The following PACRG variants were observed in gnomAD, a reference collection of about 807,000 sequenced individuals.
The protein encoded by PACRG is parkin coregulated gene protein.
Under a neutral mutation model 29.7 loss-of-function variants are expected in PACRG, and 29 were observed. That is an observed-to-expected ratio of 0.98 (90% CI 0.73 to 1.33). The LOEUF is 1.33. Among genes scored for constraint, PACRG ranks in the 40% most tolerant of loss-of-function variants. The pLI is 0.00. For missense variants in PACRG, 279 were observed against 316.2 expected, an observed-to-expected ratio of 0.88 and a Z score of 0.89; for synonymous variants, 116 against 118.7, an observed-to-expected ratio of 0.98 and a Z score of 0.15.
intron 2 of PACRG, among the ~76,000 whole-genome samples, chr6:163,025,817 G>A (rs778859147): frequency 2.0e-5 from 3 of 152,212 alleles, no homozygotes; most frequent in South Asian, 4.1e-4. Context: ...GCAGGCCCAG[G>A]ACCATGTACA....
At chr6:163,257,654 C>T (rs1325052976) in intron 4 of PACRG, among the ~76,000 whole-genome samples, 1 of 152,040 alleles carries the variant, frequency 6.6e-6, no homozygotes, top group Non-Finnish European at 1.5e-5. Context: ...CAATATTTTC[C>T]TTCTCCTTCA....
At chr6:163,022,972 C>T (rs183716933) in intron 2 of PACRG, among the ~76,000 whole-genome samples, 4 of 152,248 alleles carry the variant, frequency 2.6e-5, no homozygotes, top group Admixed American at 2.6e-4. Context: ...CTTTGACTTA[C>T]TGGAGAATTG....
chr6:163,089,290 C>T lies in PACRG; in HGVS notation c.495C>T (p.Ile165=), dbSNP rs150756193. 144 of 1,614,084 alleles carry T rather than the reference C, an allele frequency of 8.9e-5. No homozygotes were observed. In the African/African-American group the frequency reaches 1.7e-3, roughly 19 times the overall value. The change falls in exon 4 of 5, where the codon ATC becomes ATT. Residue 165 remains isoleucine (I), a synonymous_variant. Coordinates refer to ENST00000366888, the MANE Select transcript of PACRG (RefSeq NM_001080379.2). ...TGAACCTCCGAAACCGACAGGTCAT[C>T]TGTGTCACTCTCAAGGTCCTCCAGC... is the stretch of plus-strand genomic sequence containing the variant. The part of the protein sequence containing the change: ...NALNLRNRQV[I]CVTLKVLQHL...
At chr6:163,165,569 A>G (rs998498647) in intron 4 of PACRG, 10 of 155,626 alleles carry the variant, frequency 6.4e-5, no homozygotes, top group Non-Finnish European at 9.9e-5. Flanking sequence ...AGGGGGAAAA[A>G]GGGGAAATGG....
At chr6:163,223,656 A>C (rs968431581) in intron 4 of PACRG, among the ~76,000 whole-genome samples, 16 of 152,216 alleles carry the variant, frequency 1.1e-4, no homozygotes, top group Non-Finnish European at 4.4e-5. Flanking sequence ...TAATTTTGGA[A>C]GAGGGAACAG....
At chr6:162,920,263 CAATT>C (rs1796975820) in intron 2 of PACRG, among the ~76,000 whole-genome samples, 1 of 152,110 alleles carries the variant, frequency 6.6e-6, no homozygotes, top group Admixed American at 6.6e-5. Context: ...GGACCTTGCA[CAATT>C]AATTAAACTC....
chr6:163,286,262 ATATT>A (rs1236872360), intron 4 of PACRG, among the ~76,000 whole-genome samples: 1 of 152,218 alleles, frequency 6.6e-6, no homozygotes, highest in African/African-American at 2.4e-5. Flanking sequence ...TTGTCCATAA[ATATT>A]TATTGTCAGG....
At chr6:163,134,546 T>C (rs566296242) in intron 4 of PACRG, among the ~76,000 whole-genome samples, 2 of 152,196 alleles carry the variant, frequency 1.3e-5, no homozygotes, top group African/African-American at 2.4e-5. Context: ...CCAACACTGA[T>C]GTCTACAGCA....
chr6:163,053,084 A>G (rs530960743), intron 2 of PACRG, among the ~76,000 whole-genome samples: 1 of 151,876 alleles, frequency 6.6e-6, no homozygotes, highest in African/African-American at 2.4e-5. Flanking sequence ...CTTAAACTTT[A>G]AAGAAAGATT....
At chr6:163,245,941 A>T (rs1330152481) in intron 4 of PACRG, among the ~76,000 whole-genome samples, 1 of 152,080 alleles carries the variant, frequency 6.6e-6, no homozygotes, top group African/African-American at 2.4e-5. Context: ...GCAGCAGCAA[A>T]GCACTGCTCT....
intron 4 of PACRG, among the ~76,000 whole-genome samples, chr6:163,223,369 G>A (rs1209500632): frequency 6.6e-6 from 1 of 151,830 alleles, no homozygotes; most frequent in Non-Finnish European, 1.5e-5. Flanking sequence ...ACTCCAGCCT[G>A]GGCAAAAAGA....
chr6:162,838,471 C>T (rs1447858019), intron 2 of PACRG, among the ~76,000 whole-genome samples: 1 of 152,138 alleles, frequency 6.6e-6, no homozygotes, highest in Non-Finnish European at 1.5e-5. Context: ...ATCACATAGC[C>T]ATGAATAACT....
chr6:163,221,827 C>CTTT (rs200328179), intron 4 of PACRG, among the ~76,000 whole-genome samples: 1,914 of 152,228 alleles, frequency 0.013, 54 homozygotes, highest in African/African-American at 0.043. Flanking sequence ...ACTTCCCTGC[C>CTTT]AGGCACAGGT....
At chr6:162,729,081 T>G (rs1010648971) in intron 1 of PACRG, among the ~76,000 whole-genome samples, 3 of 152,174 alleles carry the variant, frequency 2.0e-5, no homozygotes, top group African/African-American at 7.2e-5. Context: ...ATATTCTAAG[T>G]ATCATTAGAG....
intron 2 of PACRG, among the ~76,000 whole-genome samples, chr6:162,824,435 A>G (rs963497609): frequency 6.6e-6 from 1 of 152,138 alleles, no homozygotes; most frequent in Non-Finnish European, 1.5e-5. Context: ...TTCCAATCCA[A>G]TTCCATTGAT....
In PACRG at chr6:163,053,400, AT is replaced by A. The variant is rs2128250339; in HGVS notation, c.292-8747del. 2.0e-5 allele frequency among the ~76,000 whole-genome samples: 3 copies of A among 152,224 alleles called. No homozygotes were observed. In the South Asian group the frequency reaches 6.2e-4, roughly 32 times the overall value. ...TTTTAAATAAGGACCTCTTATTGTT[AT>A]TTATATGGACAGATTTTAATATGTT... On this transcript the variant is annotated intron_variant, in intron 2 of 4. Transcript: ENST00000366888.
intron 4 of PACRG, among the ~76,000 whole-genome samples, chr6:163,101,888 C>A (rs1282239592): frequency 6.6e-6 from 1 of 152,148 alleles, no homozygotes; most frequent in African/African-American, 2.4e-5. Flanking sequence ...AAAGAGAGAA[C>A]CACATAATAC....
chr6:162,767,883 T>C (rs1009973766), intron 1 of PACRG, among the ~76,000 whole-genome samples: 25 of 152,052 alleles, frequency 1.6e-4, no homozygotes, highest in African/African-American at 5.8e-4. Context: ...AAACTAGTTT[T>C]ATTTATTTTT....
chr6:163,254,648 AC>A (rs1783039616), intron 4 of PACRG, among the ~76,000 whole-genome samples: 1 of 152,152 alleles, frequency 6.6e-6, no homozygotes, highest in Admixed American at 6.5e-5. Flanking sequence ...GCCATGTGTT[AC>A]CCATAATTGA....
Sources: gnomAD v4.1 joint callset for allele counts (sites outside exome capture counted in the v4.1 genomes callset) on GRCh38, gnomAD v4.1.1 for gene constraint, MANE v1.5 for transcripts, NCBI Gene and HGNC (gene_info 2026-07-23, HGNC 2026-07-21) for gene names.